Variants in DISP2 observed in about 807,000 individuals in gnomAD.
The protein encoded by DISP2 is protein dispatched homolog 2.
Under a neutral mutation model 95.5 loss-of-function variants are expected in DISP2, and 59 were observed. The observed-to-expected ratio is 0.62, with a 90% CI of 0.50 to 0.77. The LOEUF is 0.77. DISP2 is among the 30% of genes least tolerant of loss of function. The probability of loss-of-function intolerance (pLI) is 0.00; values close to 1 mark genes in which losing one functional copy is unlikely to be tolerated. For missense variants in DISP2, 1,752 were observed against 1,854.6 expected (o/e 0.94, Z 1.02); for synonymous variants, 827 against 815.0 (o/e 1.01, Z -0.25).
In DISP2 at chr15:40,375,649, C is replaced by T. The variant is rs1889721387; in HGVS notation, c.*5331C>T. The T allele has an allele frequency of 6.6e-6, 1 of 152,280 alleles. No homozygotes were observed. Among genetic ancestry groups the T allele is most frequent in the Admixed American group, 6.5e-5 (1 of 15,276 alleles). 9.4% of individuals were successfully genotyped at this position (152,280 alleles called of 1,614,324 possible). ...TACCCCCGCTCCTGCCTGCTCCTCT[C>T]CCCATCCCTTCTGCTACAACGAAGG... is the stretch of plus-strand genomic sequence containing the variant. On this transcript the variant is annotated 3_prime_UTR_variant, in exon 8 of 8. Transcript: ENST00000267889.
Position 40,368,556 on chromosome 15 carries a change from T to G in DISP2, c.2444T>G (p.Leu815Arg). 1 of 1,604,296 alleles carries G rather than the reference T, an allele frequency of 6.2e-7. No homozygotes were observed. Among genetic ancestry groups the G allele is most frequent in the Admixed American group, 1.7e-5 (1 of 60,010 alleles). Residue 815 changes from leucine to arginine, a missense_variant, in exon 8 of 8, where the codon CTC becomes CGC. This residue lies in a region of DISP2 where 732 missense variants were observed against 714.6 expected (regional missense o/e 1.02). Coordinates refer to ENST00000267889, the MANE Select transcript of DISP2 (RefSeq NM_033510.3). ...GAGGCCCAGCGCTGGCTGCTGGCAC[T>G]CTGTCACCGGGCCCGGAATCAGAGC... ...GPEAQRWLLA[L>R]CHRARNQSFF...
rs1319906736 is a variant in DISP2 at position 40,367,768 on chromosome 15, C to T, written c.1656C>T (p.Ser552=). ...FVNLAALLLL[S]SVCANHTLIF... ...ATCTGGCAGCCCTCCTCCTGCTGAG[C>T]AGCGTCTGCGCCAACCACACGCTCA... Residue 552 remains serine (S), a synonymous_variant, in exon 8 of 8, where the codon AGC becomes AGT. Coordinates refer to ENST00000267889, the MANE Select transcript of DISP2 (RefSeq NM_033510.3). The T allele has an allele frequency of 1.2e-6, 2 of 1,610,420 alleles. No individual in the cohort carries two copies. The highest frequency in any genetic ancestry group is 8.5e-7 in the Non-Finnish European group (1 of 1,180,016).
chr15:40,365,055 T>A, intron 5 of DISP2, 92 bp from the exon 6 acceptor site: 1 of 1,585,308 alleles, frequency 6.3e-7, no homozygotes. Context: ...CAGAGGGGCT[T>A]GCCAAGGAAG....
rs2141262553 is a variant in DISP2, at chr15:40,368,121, T to A, written c.2009T>A (p.Leu670Gln). ...WEGSAPRRLL[L>Q]ALHRRLRGLR... ...GGCAGCGCGCCCCGGCGGCTACTGCTGGCGCTGCACCGGCGGCTCCGCGGC... is the reference window on the plus strand; with the variant it reads ...GGCAGCGCGCCCCGGCGGCTACTGCAGGCGCTGCACCGGCGGCTCCGCGGC... The change falls in exon 8 of 8, where the codon CTG (leucine) becomes CAG (glutamine). Residue 670 changes from leucine to glutamine, a missense_variant. Physicochemically the swap from Leu to Gln is moderately radical, Grantham distance 113. Transcript: ENST00000267889. 1 of 1,406,690 alleles carries A rather than the reference T, an allele frequency of 7.1e-7. No individual in the cohort carries two copies. Among genetic ancestry groups the A allele is most frequent in the East Asian group, 2.9e-5 (1 of 33,976 alleles). 87.1% of individuals were successfully genotyped at this position (1,406,690 alleles called of 1,614,324 possible).
chr15:40,373,189 T>C lies in DISP2; in HGVS notation c.*2871T>C, dbSNP rs1224876841. On this transcript the variant is annotated 3_prime_UTR_variant, in exon 8 of 8. Coordinates refer to ENST00000267889, the MANE Select transcript of DISP2 (RefSeq NM_033510.3). ...TTATTAGGGGCACTTACAATGAGTG[T>C]ATGGCCCTGGAGACATGGCTTACAA... is the stretch of plus-strand genomic sequence containing the variant. 1 of 152,172 alleles carries C rather than the reference T, an allele frequency of 6.6e-6. No individual in the cohort carries two copies. The highest frequency in any genetic ancestry group is 1.5e-5 in the Non-Finnish European group (1 of 68,038). The allele number at this position is 152,172 out of a possible 1,614,324, so 9.4% of individuals were successfully genotyped here.
rs1238515249 is a variant in DISP2 at position 40,369,002 on chromosome 15, C to G, written c.2890C>G (p.Pro964Ala). 2 of 1,613,920 alleles carry G rather than the reference C, an allele frequency of 1.2e-6. No individual in the cohort carries two copies. The highest frequency in any genetic ancestry group is 1.7e-6 in the Non-Finnish European group (2 of 1,180,058). Residue 964 changes from proline (P) to alanine (A), a missense_variant, in exon 8 of 8, where the codon CCT becomes GCT. Physicochemically the swap from Pro to Ala is conservative, Grantham distance 27. This residue lies in a region of DISP2 where 317 missense variants were observed against 394.9 expected (regional missense o/e 0.80). Transcript: ENST00000267889. Reference sequence around the variant, plus strand: ...CCTGCAGCACAGCCTGAGCACTGAGCCTGCTGTGGTGCTGGGCCTGGCTTT... The same window carrying G: ...CCTGCAGCACAGCCTGAGCACTGAGGCTGCTGTGGTGCTGGGCCTGGCTTT... ...YSLQHSLSTEPAVVLGLALAL... is the reference protein window; with the variant it reads ...YSLQHSLSTEAAVVLGLALAL...
In DISP2 at chr15:40,363,695, G is replaced by A. The variant is rs1467221629; in HGVS notation, c.190G>A (p.Glu64Lys). 6.2e-7 allele frequency: 1 copy of A among 1,607,622 alleles called. No homozygotes were observed. The highest frequency in any genetic ancestry group is 1.3e-5 in the African/African-American group (1 of 74,834). ...CTGCTCCCTCCACAGCTGCCCCCTG[G>A]AGGACCCTTCCAGCTCTTCAGGACC... ...RSCSLHSCPL[E>K]DPSSSSGPPP... The change falls in exon 2 of 8, where the codon GAG becomes AAG. Residue 64 changes from glutamate to lysine, a missense_variant. By Grantham distance (56) the Glu-to-Lys change is moderately conservative. Around this residue, in one of 5 missense-constraint regions of DISP2, gnomAD observed 342 missense variants for 364.3 expected, o/e 0.94. Coordinates refer to ENST00000267889, the MANE Select transcript of DISP2 (RefSeq NM_033510.3).
In DISP2 at chr15:40,368,103, C is replaced by T; in HGVS notation, c.1991C>T (p.Ala664Val). 1 of 1,353,796 alleles carries T rather than the reference C, an allele frequency of 7.4e-7. No homozygotes were observed. The highest frequency in any genetic ancestry group is 9.4e-7 in the Non-Finnish European group (1 of 1,062,770). The allele number at this position is 1,353,796 out of a possible 1,614,324, so 83.9% of individuals were successfully genotyped here. ...GCGCGGGGCCGGTGGGAGGGCAGCG[C>T]GCCCCGGCGGCTACTGCTGGCGCTG... is the stretch of plus-strand genomic sequence containing the variant. ...RRARGRWEGS[A>V]PRRLLLALHR... Residue 664 changes from alanine (A) to valine (V), a missense_variant, in exon 8 of 8, where the codon GCG becomes GTG. Physicochemically the swap from Ala to Val is moderately conservative, Grantham distance 64 (BLOSUM62 0). Transcript: ENST00000267889.
intron 7 of DISP2, among the ~76,000 whole-genome samples, chr15:40,366,462 A>G (rs1265519718): frequency 6.6e-6 from 1 of 152,258 alleles, no homozygotes; most frequent in Non-Finnish European, 1.5e-5. Context: ...CCATGATCTC[A>G]GGCCCAAGGT....
intron 1 of DISP2, among the ~76,000 whole-genome samples, chr15:40,359,395 C>T (rs1325037663): frequency 6.6e-6 from 1 of 152,230 alleles, no homozygotes; most frequent in Non-Finnish European, 1.5e-5. Flanking sequence ...ATGCTTTCTT[C>T]CCTTTATTGT....
Position 40,358,257 on chromosome 15 carries a change from G to GCCA in DISP2, c.-63_-62insACC, listed in dbSNP as rs1018445073. 1.1e-3 allele frequency: 897 copies of GCCA among 828,590 alleles called. No individual in the cohort carries two copies. The highest frequency in any genetic ancestry group is 2.2e-3 in the Middle Eastern group (4 of 1,816). The allele number at this position is 828,590 out of a possible 1,614,324, so 51.3% of individuals were successfully genotyped here. On this transcript the variant is annotated 5_prime_UTR_variant, in exon 1 of 8. Transcript: ENST00000267889. ...CCCCGCCGCCGCTGCCGCCGCCACC[G>GCCA]CCGCCGCCGCCGCCGCCGCCGCGGC...
rs1459690955 is a variant in DISP2, at chr15:40,368,164, T to C, written c.2052T>C (p.Ala684=). 1.1e-5 allele frequency: 17 copies of C among 1,557,408 alleles called. No homozygotes were observed. The highest frequency in any genetic ancestry group is 1.4e-5 in the Non-Finnish European group (16 of 1,159,264). The change falls in exon 8 of 8, where the codon GCT becomes GCC. Residue 684 remains alanine, a synonymous_variant. Coordinates refer to ENST00000267889, the MANE Select transcript of DISP2 (RefSeq NM_033510.3). ...RRLRGLRRAA[A]GTSRLLFQRL... ...TCCGCGGCCTGCGGAGGGCGGCGGCTGGCACCTCGCGTCTGCTCTTCCAGC... is the reference window on the plus strand; with the variant it reads ...TCCGCGGCCTGCGGAGGGCGGCGGCCGGCACCTCGCGTCTGCTCTTCCAGC...
Position 40,358,275 on chromosome 15 carries a change from G to A in DISP2, c.-47G>A, listed in dbSNP as rs1308134822. On this transcript the variant is annotated 5_prime_UTR_variant, in exon 1 of 8. Transcript: ENST00000267889. Reference sequence around the variant, plus strand: ...CGCCACCGCCGCCGCCGCCGCCGCCGCCGCGGCTTCAGCACCAGCGCCCGG... The same window carrying A: ...CGCCACCGCCGCCGCCGCCGCCGCCACCGCGGCTTCAGCACCAGCGCCCGG... The A allele has an allele frequency of 8.2e-6, 10 of 1,214,692 alleles. No homozygotes were observed. The highest frequency in any genetic ancestry group is 9.2e-6 in the Non-Finnish European group (9 of 979,774). 75.2% of individuals were successfully genotyped at this position (1,214,692 alleles called of 1,614,324 possible).
chr15:40,358,520 T>C (rs1438534027), intron 1 of DISP2, 80 bp downstream of exon 1: 2 of 1,023,722 alleles, frequency 2.0e-6, no homozygotes, highest in South Asian at 4.5e-5. Context: ...GTAGCCGCCA[T>C]ATGTTGCCCC....
Position 40,367,842 on chromosome 15 carries a change from G to C in DISP2, c.1730G>C (p.Gly577Ala), listed in dbSNP as rs76331864. The change falls in exon 8 of 8, where the codon GGG (glycine) becomes GCG (alanine). Residue 577 changes from glycine to alanine, a missense_variant. Transcript: ENST00000267889. ...RLSKSQLPSG[G>A]LAQRVGRTMH... Reference sequence around the variant, plus strand: ...AGCAAGAGCCAGCTGCCGTCGGGGGGGCTGGCGCAGCGCGTGGGCCGCACC... The same window carrying C: ...AGCAAGAGCCAGCTGCCGTCGGGGGCGCTGGCGCAGCGCGTGGGCCGCACC... 2.9e-5 allele frequency: 46 copies of C among 1,600,992 alleles called. No individual in the cohort carries two copies. The highest frequency in any genetic ancestry group is 1.6e-4 in the Middle Eastern group (1 of 6,082).
At position 40,363,896 on chromosome 15, in the gene DISP2, T is replaced by C; in HGVS notation, c.391T>C (p.Ser131Pro). 6.4e-7 allele frequency: 1 copy of C among 1,574,016 alleles called. No homozygotes were observed. Among genetic ancestry groups the C allele is most frequent in the South Asian group, 1.2e-5 (1 of 85,674 alleles). The change falls in exon 2 of 8, where the codon TCA becomes CCA. Residue 131 changes from serine (S) to proline (P), a missense_variant. Physicochemically the swap from Ser to Pro is moderately conservative, Grantham distance 74. Around this residue, in one of 5 missense-constraint regions of DISP2, gnomAD observed 342 missense variants for 364.3 expected, o/e 0.94. Coordinates refer to ENST00000267889, the MANE Select transcript of DISP2 (RefSeq NM_033510.3). ...CAGCCTCAGCCCTTCTCCAGCCCCC[T>C]CACAGCGCGATGGGACCTGGAAGCC... ...GSSLSPSPAP[S>P]QRDGTWKPPA...
At position 40,371,637 on chromosome 15, in the gene DISP2, G is replaced by A. The variant is rs1889647142; in HGVS notation, c.*1319G>A. On this transcript the variant is annotated 3_prime_UTR_variant, in exon 8 of 8. Transcript: ENST00000267889. ...AGGTTAGGGTCCCCAGCTTTTTAAGGACAAGTCTCTCTGTGGAGCGTTAAG... is the reference window on the plus strand; with the variant it reads ...AGGTTAGGGTCCCCAGCTTTTTAAGAACAAGTCTCTCTGTGGAGCGTTAAG... 1 of 152,196 alleles carries A rather than the reference G, an allele frequency of 6.6e-6. No homozygotes were observed. The highest frequency in any genetic ancestry group is 2.4e-5 in the African/African-American group (1 of 41,450). 9.4% of individuals were successfully genotyped at this position (152,196 alleles called of 1,614,324 possible).
In DISP2 at chr15:40,368,243, G is replaced by A. The variant is rs1204557485; in HGVS notation, c.2131G>A (p.Ala711Thr). Residue 711 changes from alanine to threonine, a missense_variant, in exon 8 of 8, where the codon GCA (alanine) becomes ACA (threonine). Coordinates refer to ENST00000267889, the MANE Select transcript of DISP2 (RefSeq NM_033510.3). Reference protein sequence around the residue: ...KFRYIWICWFAALAAGGAYIA... With the variant: ...KFRYIWICWFTALAAGGAYIA... ...CCGCTACATCTGGATCTGCTGGTTC[G>A]CAGCACTGGCGGCAGGGGGCGCCTA... The A allele has an allele frequency of 1.2e-6, 2 of 1,610,472 alleles. No homozygotes were observed. The highest frequency in any genetic ancestry group is 1.7e-6 in the Non-Finnish European group (2 of 1,179,066).
chr15:40,363,086 G>A (rs1432426387), intron 1 of DISP2, among the ~76,000 whole-genome samples: 1 of 151,682 alleles, frequency 6.6e-6, no homozygotes. Flanking sequence ...GGCGGATCAC[G>A]AGGTGAGGAG....
Sources: gnomAD v4.1 joint callset for allele counts (sites outside exome capture counted in the v4.1 genomes callset) on GRCh38, gnomAD v4.1.1 for gene constraint, gnomAD v4.1.1 regional missense constraint, MANE v1.5 for transcripts, NCBI Gene and HGNC (gene_info 2026-07-23, HGNC 2026-07-21) for gene names.